Variants in SORBS2 observed in about 807,000 individuals in gnomAD.
The protein encoded by SORBS2 is sorbin and SH3 domain containing 2, also known as sorbin and SH3 domain-containing protein 2.
In SORBS2, 46 loss-of-function variants were observed where a neutral mutation model predicts 97.7. That is an observed-to-expected ratio of 0.47 (90% CI 0.37 to 0.60). SORBS2 has a LOEUF of 0.60. Among genes scored for constraint, SORBS2 ranks in the 20% least tolerant of loss-of-function variants. The probability of loss-of-function intolerance (pLI) is 0.00; values close to 1 mark genes in which losing one functional copy is unlikely to be tolerated. For missense variants in SORBS2, 1,316 were observed against 1,282.3 expected (o/e 1.03, Z -0.40); for synonymous variants, 476 against 473.4 (o/e 1.01, Z -0.07).
chr4:185,776,899 C>CA (rs34135817), intron 1 of SORBS2, among the ~76,000 whole-genome samples: 37,632 of 110,800 alleles, frequency 0.34, 6,768 homozygotes, highest in Middle Eastern at 0.47. Context: ...GACTCCATCT[C>CA]AAAAAAAAAA....
At chr4:185,745,207 C>A (rs1346624058) in intron 2 of SORBS2, among the ~76,000 whole-genome samples, 3 of 152,026 alleles carry the variant, frequency 2.0e-5, no homozygotes, top group Non-Finnish European at 4.4e-5. Context: ...GCAAAGATGC[C>A]CGAGCAGGTG....
rs773903418 is a variant in SORBS2 at position 185,630,531 on chromosome 4, A to G, written c.446+18T>C. 3 of 1,516,894 alleles carry G rather than the reference A, an allele frequency of 2.0e-6. No homozygotes were observed. The highest frequency in any genetic ancestry group is 2.7e-6 in the Non-Finnish European group (3 of 1,105,182). The allele number at this position is 1,516,894 out of a possible 1,614,324, so 94.0% of individuals were successfully genotyped here. A position where few individuals can be genotyped will look rare whatever the true frequency, so the allele number is the denominator to read the frequency against. ...CACTGGTATAGAATATTCTGCTACA[A>G]CATAATAAGATTCTTACCTCATGGG... On this transcript the variant is annotated intron_variant, in intron 5 of 14. Coordinates refer to ENST00000418609, the Ensembl canonical transcript of SORBS2.
chr4:185,696,226 A>G (rs866876478), intron 2 of SORBS2, among the ~76,000 whole-genome samples: 8 of 152,224 alleles, frequency 5.3e-5, no homozygotes, highest in Non-Finnish European at 7.3e-5. Context: ...ATTTCCTGAA[A>G]AAAGAGCACT....
Position 185,624,436 on chromosome 4 carries a change from G to T in SORBS2, c.693C>A (p.Asn231Lys), listed in dbSNP as rs546489787. Residue 231 changes from asparagine to lysine, a missense_variant, in exon 7 of 15, where the codon AAC (asparagine) becomes AAA (lysine). Physicochemically the swap from Asn to Lys is moderately conservative, Grantham distance 94 (BLOSUM62 0). Coordinates refer to ENST00000418609, the Ensembl canonical transcript of SORBS2. ...TACAGTAATCTAACTCACTGGAGGG[G>T]TTGCCGTTGAGCCCTGAGTAACTGC... The T allele has an allele frequency of 1.1e-5, 17 of 1,613,966 alleles. No individual in the cohort carries two copies. In the East Asian group the frequency reaches 2.7e-4, roughly 25 times the overall value.
intron 2 of SORBS2, among the ~76,000 whole-genome samples, chr4:185,734,943 T>C (rs1353596310): frequency 2.0e-5 from 3 of 152,248 alleles, no homozygotes; most frequent in Admixed American, 1.3e-4. Context: ...TTTTCACTAT[T>C]GGAATTCCCT....
intron 4 of SORBS2, among the ~76,000 whole-genome samples, chr4:185,672,692 T>A (rs2097730866): frequency 6.6e-6 from 1 of 152,218 alleles, no homozygotes; most frequent in African/African-American, 2.4e-5. Flanking sequence ...ACTATGTAAA[T>A]AAAACTTCTG....
intron 1 of SORBS2, among the ~76,000 whole-genome samples, chr4:185,872,391 A>G (rs892315309): frequency 6.6e-6 from 1 of 152,202 alleles, no homozygotes; most frequent in Admixed American, 6.5e-5. Context: ...ATTTTCCTCC[A>G]TCTGTACAAG....
chr4:185,743,924 T>TTCC (rs917427710), intron 2 of SORBS2, among the ~76,000 whole-genome samples: 6 of 145,010 alleles, frequency 4.1e-5, no homozygotes, highest in East Asian at 2.1e-4. Context: ...TCTATTTTCT[T>TTCC]TCCTCCTCCT....
intron 1 of SORBS2, among the ~76,000 whole-genome samples, chr4:185,940,963 T>C (rs1429998368): frequency 1.3e-5 from 2 of 152,172 alleles, no homozygotes; most frequent in African/African-American, 2.4e-5. Context: ...GAGTTGCTAC[T>C]GGCATCTAGT....
intron 2 of SORBS2, among the ~76,000 whole-genome samples, chr4:185,709,188 T>A (rs1191661823): frequency 1.3e-5 from 2 of 152,120 alleles, no homozygotes; most frequent in African/African-American, 4.8e-5. Flanking sequence ...CCAGCTAACT[T>A]TTGTATTTTT....
intron 4 of SORBS2, among the ~76,000 whole-genome samples, chr4:185,669,453 A>G (rs1379270500): frequency 6.6e-6 from 1 of 152,174 alleles, no homozygotes; most frequent in African/African-American, 2.4e-5. Flanking sequence ...ACACATCTAT[A>G]GTCATAAGCC....
chr4:185,791,493 C>T lies in SORBS2; in HGVS notation c.-337-16127G>A, dbSNP rs73873384. Among the ~76,000 whole-genome samples, 720 of 152,156 alleles carry T rather than the reference C, an allele frequency of 4.7e-3. 9 individuals carry two copies. The highest frequency in any genetic ancestry group is 0.017 in the African/African-American group (690 of 41,492). On this transcript the variant is annotated intron_variant, in intron 1 of 20. Coordinates refer to the SORBS2 transcript ENST00000284776. ...GAAAAGTGAATGATGGAATAATGGA[C>T]GTACAAAGCCAGCCAAGGTGAGGCT...
At position 185,878,844 on chromosome 4, in the gene SORBS2, G is replaced by A. The variant is rs367600251; in HGVS notation, c.-338+77352C>T. Among the ~76,000 whole-genome samples the A allele has an allele frequency of 4.6e-5, 7 of 152,230 alleles. No homozygotes were observed. In the East Asian group the frequency reaches 1.4e-3, roughly 29 times the overall value. ...ACCTGGGCTCTGCTCCCTCCCAGCA[G>A]CGTCCCCGTCCACCCTCCCCACTTT... is the stretch of plus-strand genomic sequence containing the variant. On this transcript the variant is annotated intron_variant, in intron 1 of 20. Transcript: ENST00000284776.
intron 2 of SORBS2, among the ~76,000 whole-genome samples, chr4:185,747,002 TAAG>T (rs1342757981): frequency 6.6e-6 from 1 of 152,082 alleles, no homozygotes; most frequent in African/African-American, 2.4e-5. Context: ...CTGGTGTCCT[TAAG>T]AAGAGTGCCG....
At chr4:185,918,558 G>C (rs571493800) in intron 1 of SORBS2, 3 of 152,252 alleles carry the variant, frequency 2.0e-5, no homozygotes, top group South Asian at 2.1e-4. Flanking sequence ...CTGAAGTAGG[G>C]TTCTTTATTC....
intron 1 of SORBS2, among the ~76,000 whole-genome samples, chr4:185,787,735 T>C (rs996061735): frequency 3.9e-5 from 6 of 152,192 alleles, no homozygotes; most frequent in African/African-American, 1.2e-4. Context: ...GCAACGCAGA[T>C]TGTGGGCGGG....
At chr4:185,638,080 G>A (rs2097054349) in intron 4 of SORBS2, 16 of 1,569,206 alleles carry the variant, frequency 1.0e-5, no homozygotes, top group East Asian at 9.0e-5. Context: ...CTCACTTACC[G>A]GGCGTCCAAA....
At chr4:185,899,816 T>G (rs1431738716) in intron 1 of SORBS2, among the ~76,000 whole-genome samples, 1 of 152,178 alleles carries the variant, frequency 6.6e-6, no homozygotes, top group African/African-American at 2.4e-5. Context: ...TCATAAGCAC[T>G]CAGCAAATGG....
At chr4:185,719,601 T>C (rs2098495799) in intron 2 of SORBS2, among the ~76,000 whole-genome samples, 1 of 152,258 alleles carries the variant, frequency 6.6e-6, no homozygotes, top group Non-Finnish European at 1.5e-5. Context: ...TCAAACTAAC[T>C]ATATTTGGCT....
Sources: gnomAD v4.1 joint callset for allele counts (sites outside exome capture counted in the v4.1 genomes callset) on GRCh38, gnomAD v4.1.1 for gene constraint, MANE v1.5 for transcripts, NCBI Gene and HGNC (gene_info 2026-07-23, HGNC 2026-07-21) for gene names.